Variants in UNC13C observed in about 807,000 individuals in gnomAD.
UNC13C encodes unc-13 homolog C, also known as protein unc-13 homolog C.
Under a neutral mutation model 245.4 loss-of-function variants are expected in UNC13C, and 174 were observed. The observed-to-expected ratio is 0.71, with a 90% CI of 0.63 to 0.80. The LOEUF (loss-of-function observed/expected upper bound fraction) is 0.80. UNC13C is among the 30% of genes least tolerant of loss of function. UNC13C has a pLI of 0.00. For missense variants in UNC13C, 2,829 were observed against 2,602.9 expected (o/e 1.09, Z -1.89); for synonymous variants, 992 against 895.1 (o/e 1.11, Z -1.93).
chr15:53,935,953 G>C, the UNC13C span, among the ~76,000 whole-genome samples: 2 of 152,154 alleles, frequency 1.3e-5, no homozygotes, highest in African/African-American at 4.8e-5. Context: ...TTCTAGCCCT[G>C]GGAATTCTGG....
chr15:54,041,546 A>G (rs963739306), intron 2 of UNC13C, among the ~76,000 whole-genome samples: 1 of 152,196 alleles, frequency 6.6e-6, no homozygotes, highest in Non-Finnish European at 1.5e-5. Flanking sequence ...CTGGAACACC[A>G]TACTCTTTTC....
In UNC13C at chr15:54,015,768, T is replaced by A; in HGVS notation, c.2865T>A (p.Ile955=). 1 of 1,612,708 alleles carries A rather than the reference T, an allele frequency of 6.2e-7. No homozygotes were observed. Among genetic ancestry groups the A allele is most frequent in the East Asian group, 2.2e-5 (1 of 44,842 alleles). ...MEIREDENQN[I]PEQPVEITKP... is the part of the protein sequence containing the mutation. ...TAAGAGAAGATGAAAACCAAAACAT[T>A]CCTGAACAGCCAGTGGAGATCACAA... Residue 955 remains isoleucine (I), a synonymous_variant, in exon 2 of 33, where the codon ATT becomes ATA. Transcript: ENST00000260323.
chr15:53,964,973 CAATTGTTCA>C, the UNC13C span, among the ~76,000 whole-genome samples: 8 of 152,132 alleles, frequency 5.3e-5, no homozygotes, highest in Non-Finnish European at 1.0e-4. Context: ...TAAGAAAATA[CAATTGTTCA>C]GAAAAACAAT....
intron 4 of UNC13C, among the ~76,000 whole-genome samples, chr15:54,208,463 T>G (rs967349538): frequency 1.3e-5 from 2 of 152,162 alleles, no homozygotes; most frequent in East Asian, 3.9e-4. Flanking sequence ...TACTCATTTA[T>G]TCATTCCCGT....
chr15:54,206,579 A>G (rs2034718224), intron 4 of UNC13C, among the ~76,000 whole-genome samples: 1 of 152,074 alleles, frequency 6.6e-6, no homozygotes, highest in Admixed American at 6.6e-5. Context: ...CTGCTTCCTT[A>G]GACAAAACAG....
chr15:53,923,919 A>AGCACGGGCTGGGCGCGGTG, the UNC13C span, among the ~76,000 whole-genome samples: 1 of 152,244 alleles, frequency 6.6e-6, no homozygotes, highest in Admixed American at 6.5e-5. Flanking sequence ...CAAGAGAGAC[A>AGCACGGGCTGGGCGCGGTG]GCACGGGCTG....
intron 25 of UNC13C, among the ~76,000 whole-genome samples, chr15:54,528,563 C>T (rs573707394): frequency 4.0e-5 from 6 of 151,518 alleles, no homozygotes; most frequent in South Asian, 2.1e-4. Context: ...TATTTTTTCA[C>T]GTAATAGGAG....
chr15:53,880,322 A>G, the UNC13C span, among the ~76,000 whole-genome samples: 2 of 152,228 alleles, frequency 1.3e-5, no homozygotes, highest in African/African-American at 4.8e-5. Context: ...TAGATAGCAA[A>G]TCAATATTCA....
At chr15:53,989,486 C>A (rs760231146) in intron 1 of UNC13C, among the ~76,000 whole-genome samples, 14 of 151,522 alleles carry the variant, frequency 9.2e-5, no homozygotes, top group Non-Finnish European at 2.1e-4. Flanking sequence ...AAAACTATAA[C>A]TCCTCTTGTT....
intron 2 of UNC13C, among the ~76,000 whole-genome samples, chr15:54,024,225 G>C (rs1896012449): frequency 6.6e-6 from 1 of 152,156 alleles, no homozygotes; most frequent in East Asian, 1.9e-4. Flanking sequence ...GGCTTCTAAA[G>C]CATTTAGGAC....
At chr15:54,176,823 C>G (rs866388289) in intron 4 of UNC13C, among the ~76,000 whole-genome samples, 20 of 152,012 alleles carry the variant, frequency 1.3e-4, no homozygotes, top group African/African-American at 4.8e-4. Flanking sequence ...CTGCCTTGCT[C>G]TATGGAACAA....
At chr15:53,849,678 T>C in the UNC13C span, among the ~76,000 whole-genome samples, 3 of 152,150 alleles carry the variant, frequency 2.0e-5, no homozygotes, top group South Asian at 6.2e-4. Context: ...AAGTAAGCCA[T>C]TAGATGATGA....
intron 2 of UNC13C, among the ~76,000 whole-genome samples, chr15:54,102,507 A>G (rs901116302): frequency 1.3e-5 from 2 of 152,182 alleles, no homozygotes; most frequent in African/African-American, 4.8e-5. Context: ...TAAACTCTTA[A>G]GGCAGGTCTG....
At chr15:53,914,736 T>G in the UNC13C span, 2 of 152,340 alleles carry the variant, frequency 1.3e-5, no homozygotes, top group African/African-American at 4.8e-5. Flanking sequence ...GAGTGTTCTT[T>G]CTGCTTGCCC....
intron 17 of UNC13C, among the ~76,000 whole-genome samples, chr15:54,341,994 A>G (rs1473478036): frequency 6.7e-6 from 1 of 148,384 alleles, no homozygotes; most frequent in Non-Finnish European, 1.5e-5. Context: ...AAAAAAAAGT[A>G]GTATTTCGCT....
At chr15:53,945,082 G>T in the UNC13C span, among the ~76,000 whole-genome samples, 1 of 152,014 alleles carries the variant, frequency 6.6e-6, no homozygotes, top group Admixed American at 6.5e-5. Context: ...GCCTGTTCAT[G>T]TCCTTTGCCC....
chr15:54,442,683 G>T (rs1040460441), intron 19 of UNC13C, among the ~76,000 whole-genome samples: 9 of 151,958 alleles, frequency 5.9e-5, no homozygotes, highest in Non-Finnish European at 1.0e-4. Context: ...CCATTGAGAT[G>T]ATCTTTTTTG....
intron 4 of UNC13C, among the ~76,000 whole-genome samples, chr15:54,203,787 G>GTCTGTGT (rs1567094882): frequency 4.6e-5 from 5 of 108,454 alleles, no homozygotes; most frequent in East Asian, 6.1e-4. Context: ...CACACATATA[G>GTCTGTGT]ATATACACAT....
chr15:54,566,447 G>C (rs994386449), intron 29 of UNC13C, among the ~76,000 whole-genome samples: 1 of 152,066 alleles, frequency 6.6e-6, no homozygotes. Flanking sequence ...CTAAAGAGAA[G>C]ACATTTTTTC....
Sources: allele counts gnomAD v4.1 joint callset (sites outside exome capture counted in the v4.1 genomes callset), GRCh38; gene constraint gnomAD v4.1.1; transcripts MANE v1.5; gene names NCBI Gene and HGNC (gene_info 2026-07-23, HGNC 2026-07-21).